Variants in KBTBD2 observed in about 807,000 individuals in gnomAD.
The protein encoded by KBTBD2 is kelch repeat and BTB domain-containing protein 2.
Under a neutral mutation model 57.1 loss-of-function variants are expected in KBTBD2, and 17 were observed. That is an observed-to-expected ratio of 0.30 (90% CI 0.20 to 0.45). The LOEUF (loss-of-function observed/expected upper bound fraction) is 0.45, where lower values mean the gene tolerates loss of function less well. KBTBD2 is among the 20% of genes least tolerant of loss of function. KBTBD2 has a pLI of 1.00. For missense variants in KBTBD2, 515 were observed against 750.6 expected, an observed-to-expected ratio of 0.69 and a Z score of 3.67; for synonymous variants, 267 against 262.7, an observed-to-expected ratio of 1.02 and a Z score of -0.16.
chr7:32,881,095 C>T (rs770528602), intron 1 of KBTBD2, among the ~76,000 whole-genome samples: 25 of 83,158 alleles, frequency 3.0e-4, no homozygotes, highest in African/African-American at 1.0e-3. Context: ...AGCAAGACAC[C>T]GTCTCAAAAA....
chr7:32,875,801 C>G (rs976666361), intron 2 of KBTBD2, among the ~76,000 whole-genome samples: 1 of 152,014 alleles, frequency 6.6e-6, no homozygotes, highest in Non-Finnish European at 1.5e-5. Context: ...CAAAAAACCA[C>G]ATAGTATATG....
chr7:32,875,580 T>C (rs1784293517), intron 2 of KBTBD2, among the ~76,000 whole-genome samples: 1 of 152,142 alleles, frequency 6.6e-6, no homozygotes, highest in South Asian at 2.1e-4. Flanking sequence ...CCAATGAAAT[T>C]TTTGAGGGAG....
intron 3 of KBTBD2, among the ~76,000 whole-genome samples, chr7:32,872,770 A>G (rs1453777003): frequency 6.6e-6 from 1 of 152,216 alleles, no homozygotes; most frequent in East Asian, 1.9e-4. Flanking sequence ...TGAAATACTC[A>G]CGGGAGCACT....
chr7:32,883,029 G>T (rs1384783234), intron 1 of KBTBD2, among the ~76,000 whole-genome samples: 2 of 151,744 alleles, frequency 1.3e-5, no homozygotes, highest in African/African-American at 4.8e-5. Context: ...ATAAAATTAA[G>T]TATCTCACCC....
At chr7:32,872,269 A>G (rs1784197396) in intron 3 of KBTBD2, among the ~76,000 whole-genome samples, 1 of 152,104 alleles carries the variant, frequency 6.6e-6, no homozygotes, top group Non-Finnish European at 1.5e-5. Context: ...AGTGCTTCCA[A>G]TAAGCATTTC....
chr7:32,871,579 C>G (rs1199054074), intron 3 of KBTBD2, among the ~76,000 whole-genome samples: 1 of 152,062 alleles, frequency 6.6e-6, no homozygotes, highest in Non-Finnish European at 1.5e-5. Flanking sequence ...AGTCAGGTTG[C>G]TTGGATTTAA....
rs896175 is a variant in KBTBD2 at position 32,868,675 on chromosome 7, T to C, written c.*670A>G. 0.98 allele frequency: 150,316 copies of C among 152,722 alleles called. 74,016 individuals carry two copies. Among genetic ancestry groups the C allele is most frequent in the East Asian group, 1 (5,186 of 5,186 alleles). 9.5% of individuals were successfully genotyped at this position (152,722 alleles called of 1,614,324 possible). A position where few individuals can be genotyped will look rare whatever the true frequency, so the allele number is the denominator to read the frequency against. ...TGGCTGGCAATTCTTACTGCAAGCC[T>C]AGCAACTTAAGTCCACACCTGGTAA... On this transcript the variant is annotated 3_prime_UTR_variant, in exon 4 of 4. Coordinates refer to ENST00000304056, the MANE Select transcript of KBTBD2 (RefSeq NM_015483.3).
upstream of KBTBD2, chr7:32,891,932 C>G (rs7780664): frequency 7.3e-3 from 977 of 133,136 alleles, 19 homozygotes; most frequent in African/African-American, 0.026. Context: ...CCCCCGCCCG[C>G]GGCCCGGGAA....
chr7:32,890,040 T>C (rs142137735), intron 1 of KBTBD2, among the ~76,000 whole-genome samples: 95 of 152,338 alleles, frequency 6.2e-4, no homozygotes, highest in Non-Finnish European at 1.3e-3. Flanking sequence ...TAAGTTAACA[T>C]TTTATAATGC....
chr7:32,889,248 G>A (rs1006289671), intron 1 of KBTBD2, among the ~76,000 whole-genome samples: 1 of 150,308 alleles, frequency 6.7e-6, no homozygotes, highest in East Asian at 2.0e-4. Flanking sequence ...CCAAGATCGC[G>A]CCACCGCACT....
In KBTBD2 at chr7:32,888,607, T is replaced by C. The variant is rs557530135; in HGVS notation, c.-339+2929A>G. On this transcript the variant is annotated intron_variant, in intron 1 of 3. Coordinates refer to ENST00000304056, the MANE Select transcript of KBTBD2 (RefSeq NM_015483.3). ...AACACCTGGCCTTTTGAAGAATCTATCAAGTTTTAAAAATTTCAGCATACT... is the reference window on the plus strand; with the variant it reads ...AACACCTGGCCTTTTGAAGAATCTACCAAGTTTTAAAAATTTCAGCATACT... 1.6e-3 allele frequency among the ~76,000 whole-genome samples: 242 copies of C among 149,248 alleles called. 7 individuals are homozygous for C. The South Asian group carries it at 0.049, about 30-fold the overall frequency.
chr7:32,877,063 G>A lies in KBTBD2; in HGVS notation c.171-1906C>T, dbSNP rs181697586. On this transcript the variant is annotated intron_variant, in intron 2 of 3. Transcript: ENST00000304056. ...AGACAGAGTCTCACCCTGTTGCCCAGGCTGGAGTGCAGTGGTGGTATCTCA... is the reference window on the plus strand; with the variant it reads ...AGACAGAGTCTCACCCTGTTGCCCAAGCTGGAGTGCAGTGGTGGTATCTCA... 3.9e-5 allele frequency among the ~76,000 whole-genome samples: 6 copies of A among 152,206 alleles called. No homozygotes were observed. In the East Asian group the frequency reaches 9.7e-4, roughly 24 times the overall value.
intron 1 of KBTBD2, among the ~76,000 whole-genome samples, chr7:32,885,451 G>C (rs762011067): frequency 1.5e-5 from 2 of 137,894 alleles, no homozygotes; most frequent in Non-Finnish European, 3.0e-5. Context: ...CTTATCTAGT[G>C]TGAGTACCTT....
chr7:32,874,922 G>C (rs958107219), intron 3 of KBTBD2, 70 bp downstream of exon 3: 80 of 1,346,346 alleles, frequency 5.9e-5, no homozygotes, highest in Non-Finnish European at 7.8e-5. Flanking sequence ...AGTGAGCGGA[G>C]ATCGTGCCAC....
intron 3 of KBTBD2, among the ~76,000 whole-genome samples, chr7:32,871,189 T>A (rs976114475): frequency 3.3e-5 from 5 of 152,208 alleles, no homozygotes; most frequent in Non-Finnish European, 7.3e-5. Context: ...ACATAAGTCA[T>A]ACTTTCCTAG....
chr7:32,886,107 A>G (rs553653194), intron 1 of KBTBD2, among the ~76,000 whole-genome samples: 1 of 152,048 alleles, frequency 6.6e-6, no homozygotes, highest in East Asian at 1.9e-4. Context: ...ATGGGGTTTC[A>G]CCACGTTGGC....
intron 3 of KBTBD2, 36 bp from the exon 4 acceptor site, chr7:32,870,916 G>C: frequency 7.9e-7 from 1 of 1,271,116 alleles, no homozygotes; most frequent in South Asian, 1.5e-5. Context: ...AGGCTGATAG[G>C]GCCAGGACAG....
chr7:32,888,656 C>A (rs562142009), intron 1 of KBTBD2, among the ~76,000 whole-genome samples: 39 of 150,744 alleles, frequency 2.6e-4, no homozygotes, highest in Non-Finnish European at 5.5e-4. Context: ...GATCGCATCA[C>A]TGCACTCCAG....
intron 1 of KBTBD2, among the ~76,000 whole-genome samples, chr7:32,887,272 G>A (rs2127957392): frequency 6.6e-6 from 1 of 152,326 alleles, no homozygotes; most frequent in East Asian, 1.9e-4. Context: ...ACAGTAGTAG[G>A]TACAAAGTTT....
Sources: allele counts gnomAD v4.1 joint callset (sites outside exome capture counted in the v4.1 genomes callset), GRCh38; gene constraint gnomAD v4.1.1; transcripts MANE v1.5; gene names NCBI Gene and HGNC (gene_info 2026-07-23, HGNC 2026-07-21).